The following CCSER1 variants were observed in gnomAD, a reference collection of about 807,000 sequenced individuals.
CCSER1 encodes the protein coiled-coil serine rich protein 1, also known as serine-rich coiled-coil domain-containing protein 1.
Under a neutral mutation model 82.0 loss-of-function variants are expected in CCSER1, and 41 were observed. The ratio of observed to expected loss-of-function variants is 0.50; its 90% CI spans 0.39 to 0.65. The LOEUF is 0.65. Among genes scored for constraint, CCSER1 ranks in the 30% least tolerant of loss-of-function variants. The pLI is 0.00. For missense variants in CCSER1, 1,119 were observed against 1,064.2 expected, an observed-to-expected ratio of 1.05 and a Z score of -0.72; for synonymous variants, 414 against 383.9, an observed-to-expected ratio of 1.08 and a Z score of -0.92.
intron 10 of CCSER1, among the ~76,000 whole-genome samples, chr4:91,462,584 G>T (rs1756572451): frequency 6.6e-6 from 1 of 152,130 alleles, no homozygotes; most frequent in African/African-American, 2.4e-5. Flanking sequence ...GGAAGTGCAA[G>T]GGGTCAAGGA....
At chr4:90,446,426 G>A (rs146022734) in intron 4 of CCSER1, among the ~76,000 whole-genome samples, 10 of 152,174 alleles carry the variant, frequency 6.6e-5, no homozygotes, top group Admixed American at 2.0e-4. Context: ...ACTATGTCTC[G>A]TAACCTGAGA....
chr4:90,396,838 T>C (rs1561162113), intron 3 of CCSER1, among the ~76,000 whole-genome samples: 1 of 152,140 alleles, frequency 6.6e-6, no homozygotes, highest in Non-Finnish European at 1.5e-5. Context: ...CTTTCTCTGA[T>C]AAGTAAAGGA....
chr4:90,529,578 ACTAATGGTCCC>A (rs1490675157), intron 5 of CCSER1, among the ~76,000 whole-genome samples: 1 of 152,186 alleles, frequency 6.6e-6, no homozygotes, highest in African/African-American at 2.4e-5. Context: ...CCTAAAAACA[ACTAATGGTCCC>A]CTGTTTTATC....
chr4:91,124,874 T>A (rs1241952416), intron 10 of CCSER1, among the ~76,000 whole-genome samples: 1 of 151,716 alleles, frequency 6.6e-6, no homozygotes, highest in Non-Finnish European at 1.5e-5. Context: ...TGAATTTAAA[T>A]TTTATGATAT....
At chr4:90,267,201 C>T (rs988995471) in intron 1 of CCSER1, among the ~76,000 whole-genome samples, 1 of 151,396 alleles carries the variant, frequency 6.6e-6, no homozygotes, top group African/African-American at 2.4e-5. Flanking sequence ...TCAGTGGTAC[C>T]CTGGCAGTAC....
chr4:90,794,504 T>G (rs945337717), intron 7 of CCSER1, among the ~76,000 whole-genome samples: 14 of 152,176 alleles, frequency 9.2e-5, no homozygotes, highest in African/African-American at 3.4e-4. Flanking sequence ...GGTTCTCTGT[T>G]TTGTTCCATT....
At chr4:90,843,288 T>C (rs1339210696) in intron 8 of CCSER1, among the ~76,000 whole-genome samples, 1 of 152,158 alleles carries the variant, frequency 6.6e-6, no homozygotes, top group African/African-American at 2.4e-5. Context: ...ACTGGTTCCA[T>C]TCTGCATCCA....
At chr4:90,247,861 T>A (rs1721718026) in intron 1 of CCSER1, among the ~76,000 whole-genome samples, 1 of 151,998 alleles carries the variant, frequency 6.6e-6, no homozygotes, top group South Asian at 2.1e-4. Flanking sequence ...TATGGTTTTT[T>A]TTGAAAAAAG....
intron 10 of CCSER1, among the ~76,000 whole-genome samples, chr4:91,099,241 G>A (rs894821447): frequency 6.6e-6 from 1 of 152,134 alleles, no homozygotes; most frequent in Admixed American, 6.5e-5. Context: ...AGAAAATCTT[G>A]TATAATATCA....
intron 10 of CCSER1, among the ~76,000 whole-genome samples, chr4:91,341,484 T>A (rs1021460835): frequency 6.6e-5 from 10 of 152,348 alleles, no homozygotes; most frequent in African/African-American, 2.2e-4. Flanking sequence ...TGAATACAAT[T>A]GAAAATGCAC....
chr4:90,968,184 AAAT>A (rs1379469615), intron 9 of CCSER1, among the ~76,000 whole-genome samples: 1 of 151,914 alleles, frequency 6.6e-6, no homozygotes, highest in Non-Finnish European at 1.5e-5. Flanking sequence ...ACAGAACTTA[AAAT>A]AATATGTTAA....
intron 3 of CCSER1, among the ~76,000 whole-genome samples, chr4:90,340,833 T>C (rs13103126): frequency 0.66 from 99,690 of 151,936 alleles, 34,200 homozygotes; most frequent in African/African-American, 0.86. Context: ...CAGTTATCGA[T>C]GATCCAGCCC....
intron 10 of CCSER1, among the ~76,000 whole-genome samples, chr4:91,581,584 T>C (rs183437522): frequency 6.6e-6 from 1 of 151,784 alleles, no homozygotes; most frequent in Non-Finnish European, 1.5e-5. Flanking sequence ...CTGACAGGGT[T>C]ACAAATGGAG....
intron 10 of CCSER1, among the ~76,000 whole-genome samples, chr4:91,576,157 C>T (rs1014572248): frequency 3.3e-5 from 5 of 151,870 alleles, no homozygotes; most frequent in Non-Finnish European, 5.9e-5. Flanking sequence ...ATCTATCAAT[C>T]ATCTATCTAT....
intron 3 of CCSER1, among the ~76,000 whole-genome samples, chr4:90,335,069 G>T (rs185575562): frequency 2.0e-5 from 3 of 152,124 alleles, no homozygotes; most frequent in African/African-American, 7.2e-5. Context: ...AAGTAGCAGC[G>T]GGTTTTTGGT....
chr4:90,758,608 A>G (rs1749920464), intron 7 of CCSER1, among the ~76,000 whole-genome samples: 1 of 152,138 alleles, frequency 6.6e-6, no homozygotes, highest in South Asian at 2.1e-4. Flanking sequence ...TAGTGTTACT[A>G]TGATGCCAAA....
intron 3 of CCSER1, among the ~76,000 whole-genome samples, chr4:90,361,425 G>A (rs1415359779): frequency 6.6e-6 from 1 of 152,098 alleles, no homozygotes; most frequent in Non-Finnish European, 1.5e-5. Flanking sequence ...CTATTTCTCT[G>A]GGAATTTTAG....
intron 9 of CCSER1, among the ~76,000 whole-genome samples, chr4:90,970,123 T>C (rs1351738091): frequency 1.3e-5 from 2 of 151,876 alleles, no homozygotes; most frequent in Non-Finnish European, 2.9e-5. Flanking sequence ...ATTGAAAATA[T>C]AAATGGATTA....
intron 10 of CCSER1, among the ~76,000 whole-genome samples, chr4:91,363,101 T>A (rs550844454): frequency 7.9e-5 from 12 of 151,642 alleles, no homozygotes; most frequent in Non-Finnish European, 1.8e-4. Context: ...CTTACAAATT[T>A]TCATTCGTGA....
Sources: gnomAD v4.1 joint callset for allele counts (sites outside exome capture counted in the v4.1 genomes callset) on GRCh38, gnomAD v4.1.1 for gene constraint, MANE v1.5 for transcripts, NCBI Gene and HGNC (gene_info 2026-07-23, HGNC 2026-07-21) for gene names.